Variants in ADORA2B observed in about 807,000 individuals in gnomAD.
The protein encoded by ADORA2B is adenosine receptor A2b.
In ADORA2B, 18 loss-of-function variants were observed where a neutral mutation model predicts 20.8. The observed-to-expected ratio is 0.87, with a 90% CI of 0.60 to 1.29. The LOEUF (loss-of-function observed/expected upper bound fraction) is 1.29. ADORA2B is among the 50% of genes most tolerant of loss of function. The pLI, the probability that ADORA2B is intolerant of heterozygous loss-of-function variation, is 0.00. For missense variants in ADORA2B, 441 were observed against 422.7 expected, an observed-to-expected ratio of 1.04 and a Z score of -0.38; for synonymous variants, 179 against 178.3, an observed-to-expected ratio of 1.00 and a Z score of -0.03.
chr17:15,881,484 A>G, the ADORA2B span, among the ~76,000 whole-genome samples: 1 of 152,234 alleles, frequency 6.6e-6, no homozygotes. Flanking sequence ...AGAGGCATGA[A>G]GCACGTTCAC....
chr17:15,961,488 C>T (rs897896496), intron 1 of ADORA2B, among the ~76,000 whole-genome samples: 1 of 152,266 alleles, frequency 6.6e-6, no homozygotes, highest in African/African-American at 2.4e-5. Context: ...AATCTGATCA[C>T]ATGGTAAAGG....
chr17:15,928,094 C>T, the ADORA2B span, among the ~76,000 whole-genome samples: 1 of 152,272 alleles, frequency 6.6e-6, no homozygotes, highest in Admixed American at 6.5e-5. Context: ...AGGCGTGAGC[C>T]ACCACGCCCG....
At chr17:15,898,885 A>G in the ADORA2B span, among the ~76,000 whole-genome samples, 1 of 152,180 alleles carries the variant, frequency 6.6e-6, no homozygotes, top group African/African-American at 2.4e-5. Flanking sequence ...AACGAAATAG[A>G]AATTTCCTAC....
the ADORA2B span, among the ~76,000 whole-genome samples, chr17:15,930,286 CT>C: frequency 8.7e-3 from 1,211 of 138,808 alleles, 5 homozygotes; most frequent in African/African-American, 0.023. Context: ...TATGTGTCTC[CT>C]TTTTTTTTTT....
chr17:15,955,903 A>G (rs2151598525), intron 1 of ADORA2B, among the ~76,000 whole-genome samples: 1 of 151,872 alleles, frequency 6.6e-6, no homozygotes, highest in African/African-American at 2.4e-5. Flanking sequence ...TATTTTTGGT[A>G]GAGATGGGGT....
chr17:15,962,907 C>G (rs1251574234), intron 1 of ADORA2B, among the ~76,000 whole-genome samples: 1 of 152,170 alleles, frequency 6.6e-6, no homozygotes. Flanking sequence ...TGTTTTTGAG[C>G]ACTTTCTTAT....
the ADORA2B span, among the ~76,000 whole-genome samples, chr17:15,909,194 TA>T: frequency 0.37 from 56,083 of 151,268 alleles, 12,475 homozygotes; most frequent in African/African-American, 0.63. Flanking sequence ...ACTACGTCTC[TA>T]AAAAAAACAG....
At chr17:15,888,851 T>A in the ADORA2B span, among the ~76,000 whole-genome samples, 1 of 6,964 alleles carries the variant, frequency 1.4e-4, no homozygotes, top group Non-Finnish European at 2.3e-4. Flanking sequence ...TATATATATA[T>A]TTTTTTTTTT....
chr17:15,945,238 C>T lies in ADORA2B; in HGVS notation c.-11C>T. On this transcript the variant is annotated 5_prime_UTR_variant, in exon 1 of 2. Transcript: ENST00000304222. The stretch of plus-strand genomic sequence containing the variant: ...TCGGTAGGGGGCGCCCGGGGCCCAG[C>T]TGGCCCGGCCATGCTGCTGGAGACA... 1 of 1,408,610 alleles carries T rather than the reference C, an allele frequency of 7.1e-7. No homozygotes were observed. The highest frequency in any genetic ancestry group is 9.2e-7 in the Non-Finnish European group (1 of 1,088,154). The allele number at this position is 1,408,610 out of a possible 1,614,324, so 87.3% of individuals were successfully genotyped here.
chr17:15,911,981 C>T, the ADORA2B span, among the ~76,000 whole-genome samples: 3 of 152,012 alleles, frequency 2.0e-5, no homozygotes, highest in South Asian at 6.2e-4. Context: ...GGGAGGCCAA[C>T]GCGGGTGGAT....
the ADORA2B span, among the ~76,000 whole-genome samples, chr17:15,934,321 T>A: frequency 5.3e-5 from 8 of 152,140 alleles, no homozygotes; most frequent in Admixed American, 5.2e-4. Flanking sequence ...CTCTGCCTCC[T>A]GAGTTCAAGC....
At chr17:15,886,543 G>C in the ADORA2B span, among the ~76,000 whole-genome samples, 57 of 130,434 alleles carry the variant, frequency 4.4e-4, 15 homozygotes, top group African/African-American at 1.6e-3. Flanking sequence ...CAAGGAGCAG[G>C]GTGGGGCTTA....
At chr17:15,916,705 G>T in the ADORA2B span, among the ~76,000 whole-genome samples, 28 of 152,286 alleles carry the variant, frequency 1.8e-4, no homozygotes, top group African/African-American at 6.7e-4. Context: ...GTCTGCCTGT[G>T]GATTTCATTT....
At chr17:15,951,846 G>A (rs1448707724) in intron 1 of ADORA2B, among the ~76,000 whole-genome samples, 2 of 152,222 alleles carry the variant, frequency 1.3e-5, no homozygotes, top group Non-Finnish European at 2.9e-5. Flanking sequence ...CTCTGAAGGA[G>A]GCCGGGAAGG....
chr17:15,907,181 AAGG>A, the ADORA2B span, among the ~76,000 whole-genome samples: 2 of 152,014 alleles, frequency 1.3e-5, no homozygotes, highest in Non-Finnish European at 2.9e-5. Context: ...GTGTGGGTAG[AAGG>A]AGACTTTCTA....
chr17:15,914,977 T>C, the ADORA2B span, among the ~76,000 whole-genome samples: 49,022 of 152,164 alleles, frequency 0.32, 8,625 homozygotes, highest in African/African-American at 0.46. Context: ...GTATTCGCTT[T>C]CTGTGGCTGT....
the ADORA2B span, among the ~76,000 whole-genome samples, chr17:15,878,923 G>A: frequency 9.2e-5 from 14 of 152,032 alleles, no homozygotes; most frequent in African/African-American, 3.4e-4. Context: ...CATATCTGGG[G>A]GCAAAATTCC....
chr17:15,914,322 A>T, the ADORA2B span, among the ~76,000 whole-genome samples: 1 of 152,128 alleles, frequency 6.6e-6, no homozygotes, highest in Non-Finnish European at 1.5e-5. Flanking sequence ...TCAGCCTCCT[A>T]AGTAGCTAGG....
At chr17:15,935,294 C>G in the ADORA2B span, among the ~76,000 whole-genome samples, 2 of 151,946 alleles carry the variant, frequency 1.3e-5, no homozygotes, top group Non-Finnish European at 1.5e-5. Flanking sequence ...TATCTGCTTC[C>G]TTTTTGAAGG....
Sources: allele counts gnomAD v4.1 joint callset (sites outside exome capture counted in the v4.1 genomes callset), GRCh38; gene constraint gnomAD v4.1.1; transcripts MANE v1.5; gene names NCBI Gene and HGNC (gene_info 2026-07-23, HGNC 2026-07-21).